Variants in CACNA1S observed in about 807,000 individuals in gnomAD.
The protein encoded by CACNA1S is calcium voltage-gated channel subunit alpha1 S.
A neutral mutation model predicts 207.4 loss-of-function variants in CACNA1S; 126 were observed. The observed-to-expected ratio is 0.61, with a 90% CI of 0.53 to 0.70. The LOEUF (loss-of-function observed/expected upper bound fraction) is 0.70, where lower values mean the gene tolerates loss of function less well. Ranked by LOEUF, CACNA1S falls within the 30% of genes least tolerant of loss-of-function variation. CACNA1S has a pLI of 0.00. For synonymous variants in CACNA1S, 960 were observed against 932.7 expected (o/e 1.03, Z -0.53); for missense variants, 2,349 against 2,422.8 (o/e 0.97, Z 0.64).
At chr1:201,087,299 T>C (rs917710324) in intron 7 of CACNA1S, among the ~76,000 whole-genome samples, 2 of 152,006 alleles carry the variant, frequency 1.3e-5, no homozygotes, top group African/African-American at 4.8e-5. Flanking sequence ...CACAGAGAAG[T>C]TAGGTAATTA....
intron 34 of CACNA1S, among the ~76,000 whole-genome samples, chr1:201,050,138 T>C (rs979452351): frequency 1.2e-4 from 18 of 152,170 alleles, no homozygotes; most frequent in African/African-American, 4.1e-4. Context: ...TATAGCTTCC[T>C]ACTCCTAGGA....
chr1:201,066,029 G>A lies in CACNA1S; in HGVS notation c.2746-84C>T. 2 of 1,059,852 alleles carry A rather than the reference G, an allele frequency of 1.9e-6. No homozygotes were observed. Among genetic ancestry groups the A allele is most frequent in the South Asian group, 2.6e-5 (2 of 75,580 alleles). 65.7% of individuals were successfully genotyped at this position (1,059,852 alleles called of 1,614,324 possible). The stretch of plus-strand genomic sequence containing the variant: ...AGTTGAGGAAACCCCAGGAGTGCAA[G>A]ACTTGCTGCCTCCTGATGAGTTGGA... On this transcript the variant is annotated intron_variant, in intron 21 of 43. Coordinates refer to ENST00000362061, the MANE Select transcript of CACNA1S (RefSeq NM_000069.3). The surrounding 1 kb of genome is among the most constrained non-coding windows in gnomAD (Gnocchi z 4.3).
rs1310102009 is a variant in CACNA1S at position 201,077,900 on chromosome 1, A to G, written c.1598T>C (p.Leu533Pro). ...GISVLRCIRL[L>P]RIFKITKYWT... ...TCACTTGGTGATCTTGAAGATCCTC[A>G]GGAGGCGGATGCAGCGGAGCACGGA... Residue 533 changes from leucine to proline, a missense_variant, in exon 11 of 44, where the codon CTG (leucine) becomes CCG (proline). Physicochemically the swap from Leu to Pro is moderately conservative, Grantham distance 98. Coordinates refer to ENST00000362061, the MANE Select transcript of CACNA1S (RefSeq NM_000069.3). 2 of 1,613,752 alleles carry G rather than the reference A, an allele frequency of 1.2e-6. No individual in the cohort carries two copies. The highest frequency in any genetic ancestry group is 2.7e-5 in the African/African-American group (2 of 74,928).
intron 2 of CACNA1S, among the ~76,000 whole-genome samples, chr1:201,094,590 G>T (rs559381278): frequency 6.6e-6 from 1 of 152,182 alleles, no homozygotes; most frequent in Non-Finnish European, 1.5e-5. Context: ...TAGGAGACGG[G>T]GGTGGATTAC....
chr1:201,066,367 C>G lies in CACNA1S; in HGVS notation c.2658-51G>C. 1.3e-6 allele frequency: 2 copies of G among 1,521,902 alleles called. No homozygotes were observed. The highest frequency in any genetic ancestry group is 1.8e-6 in the Non-Finnish European group (2 of 1,107,318). 94.3% of individuals were successfully genotyped at this position (1,521,902 alleles called of 1,614,324 possible). A position where few individuals can be genotyped will look rare whatever the true frequency, so the allele number is the denominator to read the frequency against. On this transcript the variant is annotated intron_variant, in intron 20 of 43. Coordinates refer to ENST00000362061, the MANE Select transcript of CACNA1S (RefSeq NM_000069.3). The surrounding 1 kb of genome is among the most constrained non-coding windows in gnomAD (Gnocchi z 4.3). ...CTGAGGGCAGCCTGCTCCAGCCAGC[C>G]CAGTCTGCGGTGGAGCCTCCAGCCA...
intron 16 of CACNA1S, 108 bp from the exon 17 acceptor site, chr1:201,070,512 AC>A: frequency 6.8e-7 from 1 of 1,477,996 alleles, no homozygotes; most frequent in Non-Finnish European, 9.3e-7. Context: ...TAAGCAAGGG[AC>A]CACCAGGCTG....
rs951462881 is a variant in CACNA1S at position 201,066,409 on chromosome 1, C to T, written c.2658-93G>A. 5.6e-6 allele frequency: 6 copies of T among 1,078,332 alleles called. No individual in the cohort carries two copies. In the African/African-American group the frequency reaches 6.2e-5, roughly 11 times the overall value. The allele number at this position is 1,078,332 out of a possible 1,614,324, so 66.8% of individuals were successfully genotyped here. On this transcript the variant is annotated intron_variant, in intron 20 of 43. Coordinates refer to ENST00000362061, the MANE Select transcript of CACNA1S (RefSeq NM_000069.3). This position sits in a 1 kb window ranked among gnomAD's most constrained non-coding sequence, Gnocchi z 4.3. ...CTCCAGCCATATCCTGCCCTCCACA[C>T]CAGCTGCCTTTCTGCCTGAAAACAC...
At chr1:201,105,254 G>A (rs77337740) in intron 2 of CACNA1S, among the ~76,000 whole-genome samples, 5,624 of 152,266 alleles carry the variant, frequency 0.037, 195 homozygotes, top group Admixed American at 0.11. Flanking sequence ...AGAACAACCT[G>A]GGGGTCTCTG....
chr1:201,042,885 C>T (rs1876386), intron 40 of CACNA1S: 20,436 of 236,530 alleles, frequency 0.086, 1,801 homozygotes, highest in African/African-American at 0.26. Context: ...AGATGGGAAC[C>T]ACCCAGCACA....
Position 201,039,977 on chromosome 1 carries a change from C to T in CACNA1S, c.5476G>A (p.Glu1826Lys). Residue 1826 changes from glutamate to lysine, a missense_variant, in exon 44 of 44, where the codon GAG becomes AAG. Coordinates refer to ENST00000362061, the MANE Select transcript of CACNA1S (RefSeq NM_000069.3). ...DACQMEPEEV[E>K]IMATELLKGR... ...TTCAGTAGCTCTGTTGCCATGATCTCCACTTCCTCTGGTTCCATTTGGCAG... is the reference window on the plus strand; with the variant it reads ...TTCAGTAGCTCTGTTGCCATGATCTTCACTTCCTCTGGTTCCATTTGGCAG... 6.2e-7 allele frequency: 1 copy of T among 1,614,242 alleles called. No individual in the cohort carries two copies. The highest frequency in any genetic ancestry group is 1.7e-5 in the Admixed American group (1 of 60,032).
intron 28 of CACNA1S, among the ~76,000 whole-genome samples, chr1:201,056,039 C>G (rs1314342399): frequency 6.8e-6 from 1 of 147,672 alleles, no homozygotes; most frequent in African/African-American, 2.5e-5. Flanking sequence ...TGGAAATACA[C>G]AACACACACA....
intron 34 of CACNA1S, 93 bp downstream of exon 34, chr1:201,050,296 T>C: frequency 7.4e-7 from 1 of 1,355,158 alleles, no homozygotes; most frequent in Non-Finnish European, 1.1e-6. Context: ...AGAAGCCCAC[T>C]CATACTGAAT....
rs368632935 is a variant in CACNA1S at position 201,075,545 on chromosome 1, G to C, written c.1898C>G (p.Pro633Arg). ...GIMAYGGPSY[P>R]GMLVCIYFII... ...GAAGTAAATGCACACAAGCATGCCA[G>C]GGTAGGACGGCCCGCCGTAGGCCAT... The change falls in exon 13 of 44, where the codon CCT becomes CGT. Residue 633 changes from proline (P) to arginine (R), a missense_variant. Pro to Arg is a moderately radical substitution (Grantham distance 103). Coordinates refer to ENST00000362061, the MANE Select transcript of CACNA1S (RefSeq NM_000069.3). 3.7e-6 allele frequency: 6 copies of C among 1,613,840 alleles called. No homozygotes were observed. The highest frequency in any genetic ancestry group is 4.2e-6 in the Non-Finnish European group (5 of 1,179,978).
intron 10 of CACNA1S, among the ~76,000 whole-genome samples, chr1:201,080,837 C>A (rs943668951): frequency 1.3e-5 from 2 of 152,070 alleles, no homozygotes; most frequent in African/African-American, 2.4e-5. Flanking sequence ...TAAGAAGCAT[C>A]CTTAAAGAAT....
In CACNA1S at chr1:201,047,202, G is replaced by A. The variant is rs777104684; in HGVS notation, c.4581C>T (p.Phe1527=). The A allele has an allele frequency of 6.2e-7, 1 of 1,614,176 alleles. No individual in the cohort carries two copies. The highest frequency in any genetic ancestry group is 1.1e-5 in the South Asian group (1 of 91,084). Residue 1527 remains phenylalanine, a synonymous_variant, in exon 38 of 44, where the codon TTC becomes TTT. Transcript: ENST00000362061. ...ACTTCCGGAAGTGCTCCTGGATGAGGAATGTGGCGTAGAACTTCCCCACTG... is the reference window on the plus strand; with the variant it reads ...ACTTCCGGAAGTGCTCCTGGATGAGAAATGTGGCGTAGAACTTCCCCACTG... The part of the protein sequence containing the change: ...EVTVGKFYAT[F]LIQEHFRKFM...
rs1663048287 is a variant in CACNA1S, at chr1:201,110,253, T to C, written c.169A>G (p.Ile57Val). 1 of 1,614,206 alleles carries C rather than the reference T, an allele frequency of 6.2e-7. No homozygotes were observed. The highest frequency in any genetic ancestry group is 1.1e-5 in the South Asian group (1 of 91,084). Residue 57 changes from isoleucine (I) to valine (V), a missense_variant, in exon 2 of 44, where the codon ATC becomes GTC. Coordinates refer to ENST00000362061, the MANE Select transcript of CACNA1S (RefSeq NM_000069.3). ...CAATTGGCAAAGATGGTGAGCAAGA[T>C]GATCGTCTCGAAGGGCCTGGAGCCA... Reference protein sequence around the residue: ...IVEWKPFETIILLTIFANCVA... With the variant: ...IVEWKPFETIVLLTIFANCVA...
rs1572032981 is a variant in CACNA1S at position 201,058,397 on chromosome 1, C to T, written c.3609+11G>A. ...CCACCCTAGTGATGGCTCTGCCTGC[C>T]TGATACTCACGTCGATCTCACTGAG... On this transcript the variant is annotated intron_variant, in intron 28 of 43. Coordinates refer to ENST00000362061, the MANE Select transcript of CACNA1S (RefSeq NM_000069.3). 1.9e-6 allele frequency: 3 copies of T among 1,612,532 alleles called. No homozygotes were observed. The highest frequency in any genetic ancestry group is 2.5e-6 in the Non-Finnish European group (3 of 1,178,512).
Position 201,077,060 on chromosome 1 carries a change from G to T in CACNA1S, c.1687C>A (p.Leu563Met), listed in dbSNP as rs1028763551. 1 of 1,614,114 alleles carries T rather than the reference G, an allele frequency of 6.2e-7. No individual in the cohort carries two copies. The highest frequency in any genetic ancestry group is 8.5e-7 in the Non-Finnish European group (1 of 1,180,044). ...ACGATGAAGAGGAAGAGCAGCAGCA[G>T]CAGGGAGGCGATGGAGCGGATGGAG... ...LNSIRSIASL[L>M]LLLFLFIVIF... Residue 563 changes from leucine to methionine, a missense_variant, in exon 12 of 44, where the codon CTG (leucine) becomes ATG (methionine). Physicochemically the swap from Leu to Met is conservative, Grantham distance 15. Coordinates refer to ENST00000362061, the MANE Select transcript of CACNA1S (RefSeq NM_000069.3).
chr1:201,101,907 GAAGAA>G (rs1662681801), intron 2 of CACNA1S, among the ~76,000 whole-genome samples: 1 of 151,836 alleles, frequency 6.6e-6, no homozygotes, highest in Non-Finnish European at 1.5e-5. Context: ...AAAAGTACAA[GAAGAA>G]AAGAAAAAGC....
Sources: allele counts gnomAD v4.1 joint callset (sites outside exome capture counted in the v4.1 genomes callset), GRCh38; gene constraint gnomAD v4.1.1; non-coding constraint Gnocchi (gnomAD v3.1); transcripts MANE v1.5; gene names NCBI Gene and HGNC (gene_info 2026-07-23, HGNC 2026-07-21).